Variants in ZNF385D observed in about 807,000 individuals in gnomAD.
ZNF385D encodes zinc finger protein 385D.
ZNF385D carries 15 observed loss-of-function variants against 35.8 expected under a neutral mutation model. The ratio of observed to expected loss-of-function variants is 0.42; its 90% CI spans 0.28 to 0.64. The LOEUF is 0.64. Among genes scored for constraint, ZNF385D ranks in the 30% least tolerant of loss-of-function variants. The pLI is 0.23. For synonymous variants in ZNF385D, 212 were observed against 186.8 expected (o/e 1.13, Z -1.10); for missense variants, 474 against 494.6 (o/e 0.96, Z 0.39).
intron 2 of ZNF385D, among the ~76,000 whole-genome samples, chr3:22,331,866 GGTAATTTCTATA>G (rs1166494593): frequency 6.6e-6 from 1 of 152,042 alleles, no homozygotes; most frequent in Non-Finnish European, 1.5e-5. Flanking sequence ...TTTGAGTTTA[GGTAATTTCTATA>G]GTAACTTTCA....
At chr3:21,609,716 T>G (rs890016705) in intron 2 of ZNF385D, among the ~76,000 whole-genome samples, 2 of 152,186 alleles carry the variant, frequency 1.3e-5, no homozygotes, top group Admixed American at 6.5e-5. Context: ...ATAATACTTA[T>G]CTCTGGGATT....
chr3:21,424,891 A>T (rs867547581), intron 6 of ZNF385D, among the ~76,000 whole-genome samples: 4 of 152,154 alleles, frequency 2.6e-5, no homozygotes, highest in South Asian at 2.1e-4. Context: ...TTGTACATAT[A>T]TACAAAACAA....
chr3:22,161,162 A>G (rs1705924307), intron 3 of ZNF385D, among the ~76,000 whole-genome samples: 1 of 152,088 alleles, frequency 6.6e-6, no homozygotes, highest in Admixed American at 6.6e-5. Flanking sequence ...ATGCTTACCT[A>G]GAAATCTCAA....
At chr3:21,476,712 C>T (rs532039171) in intron 4 of ZNF385D, among the ~76,000 whole-genome samples, 47 of 151,928 alleles carry the variant, frequency 3.1e-4, no homozygotes, top group African/African-American at 1.1e-3. Flanking sequence ...AAAATAGAAC[C>T]TTTCTCTTCT....
At chr3:21,845,259 G>A (rs541378903) in intron 3 of ZNF385D, among the ~76,000 whole-genome samples, 2 of 151,890 alleles carry the variant, frequency 1.3e-5, no homozygotes, top group Non-Finnish European at 1.5e-5. Context: ...AAACAGTATT[G>A]AGATTTAAAT....
At chr3:21,749,506 T>G (rs2069954167) in intron 1 of ZNF385D, among the ~76,000 whole-genome samples, 1 of 152,236 alleles carries the variant, frequency 6.6e-6, no homozygotes, top group Non-Finnish European at 1.5e-5. Context: ...CCTATTATCT[T>G]TACAAGCTTT....
At chr3:22,047,691 G>A (rs1001646258) in intron 3 of ZNF385D, among the ~76,000 whole-genome samples, 16 of 152,010 alleles carry the variant, frequency 1.1e-4, no homozygotes, top group African/African-American at 3.6e-4. Context: ...TATTGTGAAT[G>A]TTTCTTCAAT....
chr3:21,493,282 A>G (rs561180907), intron 4 of ZNF385D, among the ~76,000 whole-genome samples: 17 of 152,168 alleles, frequency 1.1e-4, no homozygotes, highest in Non-Finnish European at 1.9e-4. Flanking sequence ...GATAACTATG[A>G]TTTCTGTCCC....
At chr3:21,605,562 C>T (rs970424590) in intron 2 of ZNF385D, among the ~76,000 whole-genome samples, 15 of 152,142 alleles carry the variant, frequency 9.9e-5, no homozygotes, top group Admixed American at 3.9e-4. Context: ...GAAGCTTTTC[C>T]TAATCACACT....
intron 2 of ZNF385D, among the ~76,000 whole-genome samples, chr3:21,628,991 A>AT (rs1470604903): frequency 6.6e-6 from 1 of 151,976 alleles, no homozygotes. Context: ...AAGACCAACA[A>AT]TTTTTTACAA....
At chr3:21,601,688 A>G (rs1411468621) in intron 2 of ZNF385D, among the ~76,000 whole-genome samples, 1 of 152,172 alleles carries the variant, frequency 6.6e-6, no homozygotes, top group Non-Finnish European at 1.5e-5. Context: ...GCTCACAAAC[A>G]CCCAAAGATG....
intron 3 of ZNF385D, among the ~76,000 whole-genome samples, chr3:21,989,695 G>A (rs1302840499): frequency 6.6e-6 from 1 of 151,916 alleles, no homozygotes; most frequent in East Asian, 1.9e-4. Context: ...AAAAAGGACA[G>A]CCAAACCATC....
intron 2 of ZNF385D, among the ~76,000 whole-genome samples, chr3:22,170,633 T>C (rs1448813475): frequency 6.6e-6 from 1 of 152,198 alleles, no homozygotes. Context: ...TAAATGGTCA[T>C]TTTAAAAGAA....
At chr3:21,886,243 T>C (rs1475126774) in intron 3 of ZNF385D, among the ~76,000 whole-genome samples, 1 of 152,114 alleles carries the variant, frequency 6.6e-6, no homozygotes, top group Non-Finnish European at 1.5e-5. Flanking sequence ...ACCATAAAGT[T>C]AAGCCTGGAT....
At chr3:21,963,287 G>A (rs1247142608) in intron 3 of ZNF385D, among the ~76,000 whole-genome samples, 1 of 152,152 alleles carries the variant, frequency 6.6e-6, no homozygotes, top group South Asian at 2.1e-4. Context: ...GTCTATGTGA[G>A]GGTGTGTTCG....
intron 3 of ZNF385D, among the ~76,000 whole-genome samples, chr3:21,916,053 C>G (rs1476761735): frequency 6.6e-6 from 1 of 152,066 alleles, no homozygotes; most frequent in African/African-American, 2.4e-5. Flanking sequence ...TATGTCAAAT[C>G]TTGTACTCCA....
intron 2 of ZNF385D, among the ~76,000 whole-genome samples, chr3:21,650,610 C>T (rs1309875820): frequency 5.9e-5 from 9 of 151,982 alleles, no homozygotes; most frequent in South Asian, 2.1e-4. Context: ...CATCAGCAAA[C>T]GATATGCAAT....
At chr3:21,945,166 A>ATC (rs1701718010) in intron 3 of ZNF385D, among the ~76,000 whole-genome samples, 1 of 150,740 alleles carries the variant, frequency 6.6e-6, no homozygotes, top group African/African-American at 2.5e-5. Flanking sequence ...ACACACACAT[A>ATC]TATATATAGT....
At chr3:21,915,079 A>AG (rs397784129) in intron 3 of ZNF385D, among the ~76,000 whole-genome samples, 1 of 150,802 alleles carries the variant, frequency 6.6e-6, no homozygotes, top group Non-Finnish European at 1.5e-5. Flanking sequence ...GAAAAAAAAA[A>AG]GAGTTGGATT....
Sources: allele counts gnomAD v4.1 joint callset (sites outside exome capture counted in the v4.1 genomes callset), GRCh38; gene constraint gnomAD v4.1.1; transcripts MANE v1.5; gene names NCBI Gene and HGNC (gene_info 2026-07-23, HGNC 2026-07-21).